The following PTH2R variants were observed in gnomAD, a reference collection of about 807,000 sequenced individuals.
The protein encoded by PTH2R is PTH2 receptor.
In PTH2R, 59 loss-of-function variants were observed where a neutral mutation model predicts 60.3. The ratio of observed to expected loss-of-function variants is 0.98; its 90% confidence interval spans 0.79 to 1.22. The LOEUF (loss-of-function observed/expected upper bound fraction) is 1.22, where lower values mean the gene tolerates loss of function less well. PTH2R is among the 50% of genes most tolerant of loss of function. PTH2R has a pLI of 0.00. For synonymous variants in PTH2R, 256 were observed against 243.8 expected (o/e 1.05, Z -0.47); for missense variants, 749 against 682.6 (o/e 1.10, Z -1.08).
intron 9 of PTH2R, among the ~76,000 whole-genome samples, chr2:208,463,433 C>A (rs989986868): frequency 4.6e-5 from 7 of 152,134 alleles, no homozygotes; most frequent in African/African-American, 1.7e-4. Flanking sequence ...GGCGAGACTG[C>A]CTTCGTTAGC....
intron 9 of PTH2R, among the ~76,000 whole-genome samples, chr2:208,461,795 C>T (rs572664436): frequency 1.3e-5 from 2 of 152,170 alleles, no homozygotes; most frequent in Non-Finnish European, 2.9e-5. Flanking sequence ...ACATCATCAC[C>T]ATGGATGAAA....
chr2:208,467,165 A>T (rs1039510160), intron 9 of PTH2R, among the ~76,000 whole-genome samples: 2 of 152,134 alleles, frequency 1.3e-5, no homozygotes, highest in African/African-American at 2.4e-5. Flanking sequence ...TCATCCTGTA[A>T]CTTTGTTCTC....
At chr2:208,427,415 T>C (rs899516010) in intron 1 of PTH2R, among the ~76,000 whole-genome samples, 1 of 152,186 alleles carries the variant, frequency 6.6e-6, no homozygotes, top group African/African-American at 2.4e-5. Context: ...TCAGAATCCA[T>C]GTTGTATTAT....
chr2:208,467,558 A>AGTTCTCAAG (rs1702780968), intron 9 of PTH2R, among the ~76,000 whole-genome samples: 1 of 152,194 alleles, frequency 6.6e-6, no homozygotes, highest in South Asian at 2.1e-4. Flanking sequence ...TGACAATACT[A>AGTTCTCAAG]TATGCTACAC....
chr2:208,412,612 T>C (rs572465670), intron 1 of PTH2R, among the ~76,000 whole-genome samples: 1 of 152,226 alleles, frequency 6.6e-6, no homozygotes, highest in Non-Finnish European at 1.5e-5. Context: ...GTGAGGACAC[T>C]GTACTGGGAG....
Position 208,477,880 on chromosome 2 carries a change from T to TTACTACTAGTACTAGCAC in PTH2R, c.982-3142_982-3125dup, listed in dbSNP as rs36230302. On this transcript the variant is annotated intron_variant, in intron 9 of 12. Coordinates refer to ENST00000272847, the MANE Select transcript of PTH2R (RefSeq NM_005048.4). ...AGAATTATGTCTTAATTTAAAAAAA[T>TTACTACTAGTACTAGCAC]TACTACTAGTACTAGCACTACTACT... Among the ~76,000 whole-genome samples, 1,302 of 145,990 alleles carry TTACTACTAGTACTAGCAC rather than the reference T, an allele frequency of 8.9e-3. 98 individuals carry two copies. Among genetic ancestry groups the TTACTACTAGTACTAGCAC allele is most frequent in the African/African-American group, 0.032 (1,206 of 37,820 alleles).
intron 2 of PTH2R, among the ~76,000 whole-genome samples, chr2:208,432,633 A>G (rs1006499173): frequency 1.3e-5 from 2 of 152,336 alleles, no homozygotes; most frequent in Non-Finnish European, 2.9e-5. Context: ...TGGGGAAGAA[A>G]GAAGACAATA....
chr2:208,404,574 C>T (rs1027144590), upstream of PTH2R, among the ~76,000 whole-genome samples: 2 of 152,094 alleles, frequency 1.3e-5, no homozygotes, highest in African/African-American at 4.8e-5. Context: ...AAAGTTTCCT[C>T]GACATTGTCA....
intron 2 of PTH2R, 120 bp from the exon 3 acceptor site, chr2:208,437,417 C>A: frequency 1.5e-6 from 1 of 685,622 alleles, no homozygotes; most frequent in East Asian, 2.8e-5. Flanking sequence ...CAAAAACTAC[C>A]AATTTGTTTT....
At chr2:208,366,248 A>G (rs1029284144) in intron 1 of PTH2R, among the ~76,000 whole-genome samples, 1 of 151,518 alleles carries the variant, frequency 6.6e-6, no homozygotes, top group African/African-American at 2.4e-5. Context: ...TATATCTTCT[A>G]TTTCTTCATG....
Position 208,470,134 on chromosome 2 carries a change from C to A in PTH2R, c.981+10173C>A, listed in dbSNP as rs79438481. On this transcript the variant is annotated intron_variant, in intron 9 of 12. Coordinates refer to ENST00000272847, the MANE Select transcript of PTH2R (RefSeq NM_005048.4). Reference sequence around the variant, plus strand: ...TTACTCTTGGGTACTTATGAAAGGGCCTTGAGAATGCCAGTATTATGGTGT... The same window carrying A: ...TTACTCTTGGGTACTTATGAAAGGGACTTGAGAATGCCAGTATTATGGTGT... Among the ~76,000 whole-genome samples, 5 of 152,240 alleles carry A rather than the reference C, an allele frequency of 3.3e-5. No homozygotes were observed. The East Asian group carries it at 9.6e-4, about 29-fold the overall frequency.
chr2:208,493,154 C>A (rs1411880568), intron 12 of PTH2R, 110 bp from the exon 13 acceptor site: 7 of 1,192,142 alleles, frequency 5.9e-6, no homozygotes, highest in Non-Finnish European at 7.8e-6. Flanking sequence ...CGTAGAGGAA[C>A]CTCAATCAAT....
At chr2:208,492,743 C>A (rs1046369070) in intron 12 of PTH2R, among the ~76,000 whole-genome samples, 26 of 152,080 alleles carry the variant, frequency 1.7e-4, no homozygotes, top group Non-Finnish European at 3.5e-4. Context: ...CTGGCTAGAG[C>A]AAATAGTAAA....
intron 4 of PTH2R, among the ~76,000 whole-genome samples, chr2:208,440,574 T>C (rs1702162414): frequency 6.6e-6 from 1 of 152,176 alleles, no homozygotes; most frequent in African/African-American, 2.4e-5. Context: ...GAAATCTAAA[T>C]GAACTAAATT....
chr2:208,417,541 CTTTTTTTTTT>C (rs56354728), intron 1 of PTH2R, among the ~76,000 whole-genome samples: 9 of 87,882 alleles, frequency 1.0e-4, no homozygotes, highest in Admixed American at 3.3e-4. Context: ...AGGTGGGAAT[CTTTTTTTTTT>C]TTTTTTTTTT....
intron 1 of PTH2R, among the ~76,000 whole-genome samples, chr2:208,409,016 C>G (rs895917097): frequency 3.3e-5 from 5 of 152,096 alleles, no homozygotes; most frequent in Non-Finnish European, 7.4e-5. Context: ...CCCCCCTCCC[C>G]CTAACTGAGA....
intron 10 of PTH2R, among the ~76,000 whole-genome samples, chr2:208,486,935 G>A (rs113266611): frequency 6.6e-6 from 1 of 152,214 alleles, no homozygotes; most frequent in Non-Finnish European, 1.5e-5. Flanking sequence ...GAGAAAGCCC[G>A]TAGGCTGCAG....
intron 9 of PTH2R, among the ~76,000 whole-genome samples, chr2:208,474,919 A>T (rs529782069): frequency 6.6e-6 from 1 of 152,338 alleles, no homozygotes; most frequent in African/African-American, 2.4e-5. Context: ...CTTCTAAGAA[A>T]GAGACAGGAA....
At chr2:208,439,555 T>C (rs1397496162) in intron 4 of PTH2R, among the ~76,000 whole-genome samples, 1 of 151,996 alleles carries the variant, frequency 6.6e-6, no homozygotes, top group Non-Finnish European at 1.5e-5. Context: ...TAAAAAAGTG[T>C]AAATTTAGAA....
Sources: gnomAD v4.1 joint callset for allele counts (sites outside exome capture counted in the v4.1 genomes callset) on GRCh38, gnomAD v4.1.1 for gene constraint, MANE v1.5 for transcripts, NCBI Gene and HGNC (gene_info 2026-07-23, HGNC 2026-07-21) for gene names.